Variants in HDAC2 observed in about 807,000 individuals in gnomAD.
HDAC2 encodes YY1-associated factor 1.
HDAC2 carries 5 observed loss-of-function variants against 68.5 expected under a neutral mutation model. The ratio of observed to expected loss-of-function variants is 0.07; its 90% CI spans 0.04 to 0.15. The LOEUF (loss-of-function observed/expected upper bound fraction) is 0.15, where lower values mean the gene tolerates loss of function less well. HDAC2 is among the 10% of genes least tolerant of loss of function. HDAC2 has a pLI of 1.00. For synonymous variants in HDAC2, 182 were observed against 191.3 expected, an observed-to-expected ratio of 0.95 and a Z score of 0.40; for missense variants, 291 against 600.8, an observed-to-expected ratio of 0.48 and a Z score of 5.39.
In HDAC2 at chr6:113,934,311, G is replaced by C. The variant is rs1302861145; in HGVS notation, c.*6747C>G. ...TGACATCAGACAGGTAAAAGACGGA[G>C]TGCTGGAAAAGCATGTCAGCTGTTA... On this transcript the variant is annotated 3_prime_UTR_variant, in exon 14 of 14. Transcript: ENST00000519065. 1.3e-5 allele frequency: 2 copies of C among 152,216 alleles called. No individual in the cohort carries two copies. Among genetic ancestry groups the C allele is most frequent in the Non-Finnish European group, 2.9e-5 (2 of 68,046 alleles). 9.4% of individuals were successfully genotyped at this position (152,216 alleles called of 1,614,324 possible). A position where few individuals can be genotyped will look rare whatever the true frequency, so the allele number is the denominator to read the frequency against.
At position 113,941,635 on chromosome 6, in the gene HDAC2, C is replaced by T. The variant is rs1776136846; in HGVS notation, c.1436+73G>A. The T allele has an allele frequency of 1.0e-5, 6 of 579,082 alleles. No homozygotes were observed. The South Asian group carries it at 1.5e-4, about 15-fold the overall frequency. The allele number at this position is 579,082 out of a possible 1,614,324, so 35.9% of individuals were successfully genotyped here. Reference sequence around the variant, plus strand: ...GTCTAGTATTTCTGAAGTGTGTACACAAACACACACCAATAAACATGTTTA... The same window carrying T: ...GTCTAGTATTTCTGAAGTGTGTACATAAACACACACCAATAAACATGTTTA... On this transcript the variant is annotated intron_variant, in intron 13 of 13. Coordinates refer to ENST00000519065, the MANE Select transcript of HDAC2 (RefSeq NM_001527.4).
chr6:113,944,229 C>G, intron 11 of HDAC2, 51 bp downstream of exon 11: 1 of 1,487,432 alleles, frequency 6.7e-7, no homozygotes, highest in South Asian at 1.1e-5. Context: ...CTAAAACCTT[C>G]CATTTCAATT....
In HDAC2 at chr6:113,940,500, C is replaced by T. The variant is rs569950978; in HGVS notation, c.*558G>A. ...AATGGGATGTTAATCTTCACTGATACTAACTGGCTAAGCTATAGAGGGCAA... is the reference window on the plus strand; with the variant it reads ...AATGGGATGTTAATCTTCACTGATATTAACTGGCTAAGCTATAGAGGGCAA... On this transcript the variant is annotated 3_prime_UTR_variant, in exon 14 of 14. Transcript: ENST00000519065. 1 of 152,316 alleles carries T rather than the reference C, an allele frequency of 6.6e-6. No individual in the cohort carries two copies. The highest frequency in any genetic ancestry group is 2.1e-4 in the South Asian group (1 of 4,826). 9.4% of individuals were successfully genotyped at this position (152,316 alleles called of 1,614,324 possible).
rs1775947116 is a variant in HDAC2, at chr6:113,934,045, G to C, written c.*7013C>G. 1 of 151,420 alleles carries C rather than the reference G, an allele frequency of 6.6e-6. No homozygotes were observed. Among genetic ancestry groups the C allele is most frequent in the Admixed American group, 6.6e-5 (1 of 15,212 alleles). The allele number at this position is 151,420 out of a possible 1,614,324, so 9.4% of individuals were successfully genotyped here. On this transcript the variant is annotated 3_prime_UTR_variant, in exon 14 of 14. Coordinates refer to ENST00000519065, the MANE Select transcript of HDAC2 (RefSeq NM_001527.4). ...AACTTTAAAAAACTGAATTTCTACG[G>C]GTAAATGTTTAAATATGAGAAAAAA...
rs968755057 is a variant in HDAC2, at chr6:113,935,425, T to A, written c.*5633A>T. ...CTTTAAAAGTTTTACCTGTACATCA[T>A]CCTAGTAAGTATATGGCAAGGGCAG... On this transcript the variant is annotated 3_prime_UTR_variant, in exon 14 of 14. Transcript: ENST00000519065. 1 of 152,174 alleles carries A rather than the reference T, an allele frequency of 6.6e-6. No individual in the cohort carries two copies. Among genetic ancestry groups the A allele is most frequent in the African/African-American group, 2.4e-5 (1 of 41,430 alleles). The allele number at this position is 152,174 out of a possible 1,614,324, so 9.4% of individuals were successfully genotyped here. A position where few individuals can be genotyped will look rare whatever the true frequency, so the allele number is the denominator to read the frequency against.
chr6:113,959,423 T>A (rs1462104330), intron 2 of HDAC2, among the ~76,000 whole-genome samples: 1 of 151,994 alleles, frequency 6.6e-6, no homozygotes, highest in Non-Finnish European at 1.5e-5. Context: ...TACAAAAACA[T>A]TAAGGCAGCT....
At chr6:113,964,101 A>G (rs1316618554) in intron 1 of HDAC2, among the ~76,000 whole-genome samples, 2 of 152,170 alleles carry the variant, frequency 1.3e-5, no homozygotes, top group Non-Finnish European at 2.9e-5. Context: ...GTATTCACAG[A>G]GGAATAAAGA....
At chr6:113,943,065 T>C (rs1776172916) in intron 12 of HDAC2, among the ~76,000 whole-genome samples, 1 of 152,196 alleles carries the variant, frequency 6.6e-6, no homozygotes, top group Non-Finnish European at 1.5e-5. Context: ...AATTACTTTG[T>C]CCTCTTTCTT....
chr6:113,966,010 T>C (rs768793473), intron 1 of HDAC2, among the ~76,000 whole-genome samples: 1 of 152,166 alleles, frequency 6.6e-6, no homozygotes, highest in Non-Finnish European at 1.5e-5. Context: ...GTTTGTTTGG[T>C]AGCAGAGGAA....
At position 113,938,451 on chromosome 6, in the gene HDAC2, T is replaced by C. The variant is rs372062535; in HGVS notation, c.*2607A>G. The C allele has an allele frequency of 6.6e-5, 10 of 152,280 alleles. No homozygotes were observed. In the East Asian group the frequency reaches 1.7e-3, roughly 26 times the overall value. 9.4% of individuals were successfully genotyped at this position (152,280 alleles called of 1,614,324 possible). On this transcript the variant is annotated 3_prime_UTR_variant, in exon 14 of 14. Transcript: ENST00000519065. ...TTTTTTTGTTATCAAATATATCTTT[T>C]ATAGTTGAGTTTGGTGTCACACTTA...
At chr6:113,970,655 T>C (rs531586971) in intron 1 of HDAC2, 5 of 1,349,808 alleles carry the variant, frequency 3.7e-6, no homozygotes, top group Non-Finnish European at 4.7e-6. Context: ...GCCCCCTGAT[T>C]CCCGCCCGCA....
chr6:113,952,538 T>C (rs936067068), intron 6 of HDAC2, among the ~76,000 whole-genome samples: 7 of 152,358 alleles, frequency 4.6e-5, no homozygotes, highest in African/African-American at 1.7e-4. Context: ...TTTAAAACTT[T>C]GTTCAATGCC....
chr6:113,960,885 A>T (rs1201886211), intron 1 of HDAC2, among the ~76,000 whole-genome samples: 1 of 152,118 alleles, frequency 6.6e-6, no homozygotes, highest in Non-Finnish European at 1.5e-5. Flanking sequence ...TGTCTGCTGG[A>T]AACACGTAGA....
In HDAC2 at chr6:113,933,990, A is replaced by G. The variant is rs955206541; in HGVS notation, c.*7068T>C. The G allele has an allele frequency of 2.0e-5, 3 of 151,940 alleles. No individual in the cohort carries two copies. The highest frequency in any genetic ancestry group is 4.4e-5 in the Non-Finnish European group (3 of 68,002). 9.4% of individuals were successfully genotyped at this position (151,940 alleles called of 1,614,324 possible). A position where few individuals can be genotyped will look rare whatever the true frequency, so the allele number is the denominator to read the frequency against. ...TCTCTGACTTTGATTTTTTTTTAAT[A>G]GTAATGTTTGGTACAATCAACTGAC... On this transcript the variant is annotated 3_prime_UTR_variant, in exon 14 of 14. Transcript: ENST00000519065.
chr6:113,943,355 T>A lies in HDAC2; in HGVS notation c.1374A>T (p.Lys458Asn), dbSNP rs774745631. ...TTACCAAGAAACAAATCTGACCTGT[T>A]TTTTTGTCCTCTGTTTCTTTCTTAT... ...EEDKKETEDK[K>N]TDVKEEDKSK... Residue 458 changes from lysine (K) to asparagine (N), a missense_variant, in exon 12 of 14, where the codon AAA becomes AAT. Around this residue, in one of 2 missense-constraint regions of HDAC2, gnomAD observed 137 missense variants for 128.7 expected, o/e 1.06. Transcript: ENST00000519065. 6 of 1,595,088 alleles carry A rather than the reference T, an allele frequency of 3.8e-6. No homozygotes were observed. The Admixed American group carries it at 9.0e-5, about 24-fold the overall frequency.
chr6:113,970,388 G>C (rs1392656718), intron 1 of HDAC2: 34 of 913,894 alleles, frequency 3.7e-5, no homozygotes, highest in Non-Finnish European at 4.3e-5. Flanking sequence ...TCGCGGCCGC[G>C]GGGCTTTGTG....
At chr6:113,951,029 A>C (rs1776401536) in intron 6 of HDAC2, among the ~76,000 whole-genome samples, 6 of 152,236 alleles carry the variant, frequency 3.9e-5, no homozygotes. Context: ...TGCACAGTTA[A>C]AACACAGATG....
Position 113,940,839 on chromosome 6 carries a change from A to G in HDAC2, c.*219T>C. ...ATAACTCACATCAATTTTAAATACT[A>G]TCACATAAAGCATGGTGGAGAAAAG... is the stretch of plus-strand genomic sequence containing the variant. On this transcript the variant is annotated 3_prime_UTR_variant, in exon 14 of 14. Transcript: ENST00000519065. 1 of 428,344 alleles carries G rather than the reference A, an allele frequency of 2.3e-6. No individual in the cohort carries two copies. The highest frequency in any genetic ancestry group is 4.1e-6 in the Non-Finnish European group (1 of 241,560). 26.5% of individuals were successfully genotyped at this position (428,344 alleles called of 1,614,324 possible). A position where few individuals can be genotyped will look rare whatever the true frequency, so the allele number is the denominator to read the frequency against.
chr6:113,955,885 A>G (rs1776541928), intron 5 of HDAC2, 128 bp downstream of exon 5: 2 of 634,300 alleles, frequency 3.2e-6, no homozygotes, highest in East Asian at 3.2e-5. Context: ...ATGAATTCAT[A>G]GAAAATTCAC....
Sources: gnomAD v4.1 joint callset for allele counts (sites outside exome capture counted in the v4.1 genomes callset) on GRCh38, gnomAD v4.1.1 for gene constraint, gnomAD v4.1.1 regional missense constraint, MANE v1.5 for transcripts, NCBI Gene and HGNC (gene_info 2026-07-23, HGNC 2026-07-21) for gene names.